Variants in HPSE2 observed in about 807,000 individuals in gnomAD.
The protein encoded by HPSE2 is inactive heparanase-2.
HPSE2 carries 38 observed loss-of-function variants against 60.5 expected under a neutral mutation model. The ratio of observed to expected loss-of-function variants is 0.63; its 90% CI spans 0.48 to 0.82. The LOEUF is 0.82. Among genes scored for constraint, HPSE2 ranks in the 40% least tolerant of loss-of-function variants. The pLI is 0.00. For synonymous variants in HPSE2, 295 were observed against 293.2 expected (o/e 1.01, Z -0.06); for missense variants, 713 against 740.4 (o/e 0.96, Z 0.43).
chr10:99,241,271 CA>C, the HPSE2 span, among the ~76,000 whole-genome samples: 14 of 151,674 alleles, frequency 9.2e-5, no homozygotes, highest in Non-Finnish European at 1.9e-4. Flanking sequence ...AAAACAACAA[CA>C]AAAAAAACCT....
chr10:98,853,021 A>G (rs1952220521), intron 3 of HPSE2, among the ~76,000 whole-genome samples: 1 of 152,250 alleles, frequency 6.6e-6, no homozygotes, highest in Admixed American at 6.5e-5. Context: ...ACTGAGCTAC[A>G]AAACAAAAGT....
chr10:98,527,933 G>A (rs1173788844), intron 9 of HPSE2, among the ~76,000 whole-genome samples: 3 of 152,186 alleles, frequency 2.0e-5, no homozygotes, highest in African/African-American at 7.2e-5. Flanking sequence ...TACCTGAATA[G>A]TAAACTGAAC....
intron 3 of HPSE2, among the ~76,000 whole-genome samples, chr10:98,806,639 A>G (rs944237808): frequency 1.3e-5 from 2 of 152,226 alleles, no homozygotes; most frequent in African/African-American, 4.8e-5. Flanking sequence ...AGAATATATG[A>G]TAATGGTGAT....
At chr10:98,957,648 A>C (rs1955543976) in intron 3 of HPSE2, among the ~76,000 whole-genome samples, 1 of 152,118 alleles carries the variant, frequency 6.6e-6, no homozygotes, top group Non-Finnish European at 1.5e-5. Context: ...CCATAGCTCT[A>C]TTAATAACGT....
chr10:98,978,401 T>A (rs1461858986), intron 3 of HPSE2, among the ~76,000 whole-genome samples: 1 of 152,194 alleles, frequency 6.6e-6, no homozygotes, highest in Non-Finnish European at 1.5e-5. Context: ...CTATTATCAA[T>A]TTAGAATGAA....
chr10:98,480,595 G>A (rs1053429989), intron 11 of HPSE2, among the ~76,000 whole-genome samples: 2 of 152,140 alleles, frequency 1.3e-5, no homozygotes, highest in African/African-American at 4.8e-5. Flanking sequence ...GGGGTAAATA[G>A]GTTTAGAGTC....
chr10:98,654,483 T>A (rs557831749), intron 6 of HPSE2, among the ~76,000 whole-genome samples: 1 of 152,228 alleles, frequency 6.6e-6, no homozygotes, highest in Non-Finnish European at 1.5e-5. Context: ...GCTCACCAAT[T>A]CTTTCATCAG....
intron 3 of HPSE2, among the ~76,000 whole-genome samples, chr10:98,761,876 T>C (rs1297495087): frequency 1.3e-5 from 2 of 152,070 alleles, no homozygotes; most frequent in African/African-American, 4.8e-5. Flanking sequence ...GCGCTAAAAG[T>C]AGAAATTCTG....
chr10:99,017,380 A>G (rs1957166060), intron 3 of HPSE2, among the ~76,000 whole-genome samples: 2 of 152,088 alleles, frequency 1.3e-5, no homozygotes, highest in Admixed American at 1.3e-4. Context: ...GAAGCCTACT[A>G]TCAAGTGGTG....
chr10:98,894,448 T>C (rs1276399292), intron 3 of HPSE2, among the ~76,000 whole-genome samples: 6 of 152,082 alleles, frequency 3.9e-5, no homozygotes, highest in African/African-American at 1.2e-4. Context: ...GTGAAAAATG[T>C]TACCATTTAA....
chr10:99,132,768 C>T (rs1297950650), intron 3 of HPSE2, among the ~76,000 whole-genome samples: 1 of 152,162 alleles, frequency 6.6e-6, no homozygotes, highest in Admixed American at 6.5e-5. Context: ...CCGGTCCCTA[C>T]CCCACCAGTG....
At chr10:98,897,192 G>A (rs1481710377) in intron 3 of HPSE2, among the ~76,000 whole-genome samples, 2 of 152,112 alleles carry the variant, frequency 1.3e-5, no homozygotes, top group African/African-American at 4.8e-5. Flanking sequence ...AGGGAAGGGT[G>A]GGATTAGGGT....
intron 9 of HPSE2, among the ~76,000 whole-genome samples, chr10:98,546,668 G>C (rs1490743817): frequency 1.3e-5 from 2 of 151,322 alleles, no homozygotes; most frequent in African/African-American, 4.8e-5. Flanking sequence ...ATGGATTAAA[G>C]ACTTACATGT....
chr10:99,240,427 T>C (rs1271163582), upstream of HPSE2, among the ~76,000 whole-genome samples: 7 of 149,664 alleles, frequency 4.7e-5, no homozygotes, highest in East Asian at 8.1e-4. Context: ...TTTTTTTTTT[T>C]CGAGACAGAG....
At chr10:99,150,303 A>G (rs1229922364) in intron 2 of HPSE2, among the ~76,000 whole-genome samples, 1 of 152,168 alleles carries the variant, frequency 6.6e-6, no homozygotes, top group Non-Finnish European at 1.5e-5. Context: ...GTTCTGGTTG[A>G]GACAAATGAC....
chr10:98,541,728 T>C (rs532105304), intron 9 of HPSE2, among the ~76,000 whole-genome samples: 1 of 152,202 alleles, frequency 6.6e-6, no homozygotes, highest in South Asian at 2.1e-4. Context: ...AGCACAGCAG[T>C]CTGAGATCAA....
intron 3 of HPSE2, among the ~76,000 whole-genome samples, chr10:98,782,941 G>GTTTTTTTT (rs576508491): frequency 8.6e-6 from 1 of 116,100 alleles, no homozygotes; most frequent in African/African-American, 3.4e-5. Flanking sequence ...TTTTTTTAAT[G>GTTTTTTTT]TTTTTTTTTT....
intron 2 of HPSE2, among the ~76,000 whole-genome samples, chr10:99,204,189 C>CA (rs976386598): frequency 2.6e-5 from 4 of 152,274 alleles, no homozygotes; most frequent in Admixed American, 6.5e-5. Flanking sequence ...GGCATGCCTT[C>CA]AAAAACCTAG....
chr10:98,690,585 CAAAT>C (rs1281225769), intron 6 of HPSE2, among the ~76,000 whole-genome samples: 1 of 151,664 alleles, frequency 6.6e-6, no homozygotes, highest in Non-Finnish European at 1.5e-5. Flanking sequence ...GTGAAAAAGT[CAAAT>C]AAAAGTAGAT....
Sources: allele counts gnomAD v4.1 joint callset (sites outside exome capture counted in the v4.1 genomes callset), GRCh38; gene constraint gnomAD v4.1.1; transcripts MANE v1.5; gene names NCBI Gene and HGNC (gene_info 2026-07-23, HGNC 2026-07-21).